Variants in CD82 observed in about 807,000 individuals in gnomAD.
CD82 encodes CD82 antigen.
A neutral mutation model predicts 37.4 loss-of-function variants in CD82; 36 were observed. The observed-to-expected ratio is 0.96, with a 90% CI of 0.74 to 1.27. The LOEUF is 1.27. Among genes scored for constraint, CD82 ranks in the 50% most tolerant of loss-of-function variants. CD82 has a pLI of 0.00. For missense variants in CD82, 340 were observed against 347.0 expected (o/e 0.98, Z 0.16); for synonymous variants, 158 against 137.4 (o/e 1.15, Z -1.05).
At chr11:44,617,739 C>T (rs1245651655) in intron 7 of CD82, among the ~76,000 whole-genome samples, 1 of 152,162 alleles carries the variant, frequency 6.6e-6, no homozygotes, top group Non-Finnish European at 1.5e-5. Flanking sequence ...CCTGCCTCAT[C>T]CCATTTAGTC....
At chr11:44,598,754 T>C (rs770966766) in intron 3 of CD82, among the ~76,000 whole-genome samples, 4 of 152,196 alleles carry the variant, frequency 2.6e-5, no homozygotes, top group Admixed American at 6.5e-5. Flanking sequence ...GATAGAATGA[T>C]TCTGATGGAG....
intron 6 of CD82, among the ~76,000 whole-genome samples, chr11:44,612,062 C>T (rs1267909948): frequency 2.0e-5 from 3 of 152,250 alleles, no homozygotes; most frequent in Non-Finnish European, 4.4e-5. Flanking sequence ...CTCCTTTCCA[C>T]ACCGTGGGGA....
intron 7 of CD82, 127 bp from the exon 8 acceptor site, chr11:44,618,035 G>T: frequency 1.4e-6 from 1 of 723,536 alleles, no homozygotes; most frequent in Non-Finnish European, 2.3e-6. Context: ...TGATGGTTCG[G>T]CTGGGACCAG....
intron 2 of CD82, among the ~76,000 whole-genome samples, chr11:44,588,819 T>C (rs1432559188): frequency 6.6e-6 from 1 of 152,022 alleles, no homozygotes; most frequent in East Asian, 1.9e-4. Context: ...TGGAGGTGAG[T>C]GTTAAATGAT....
Position 44,618,241 on chromosome 11 carries a change from C to T in CD82, c.518C>T (p.Pro173Leu), listed in dbSNP as rs770399013. ...ATGAATCGCCCTGAGGTCACCTACC[C>T]CTGTTCCTGCGAAGTCAAGGGGGAA... is the stretch of plus-strand genomic sequence containing the variant. ...ELMNRPEVTY[P>L]CSCEVKGEED... Residue 173 changes from proline to leucine, a missense_variant, in exon 8 of 10, where the codon CCC becomes CTC. Transcript: ENST00000227155. 4.3e-6 allele frequency: 7 copies of T among 1,614,128 alleles called. No homozygotes were observed. In the East Asian group the frequency reaches 6.7e-5, roughly 15 times the overall value.
intron 1 of CD82, among the ~76,000 whole-genome samples, chr11:44,575,363 A>G (rs1017054795): frequency 1.3e-5 from 2 of 152,226 alleles, no homozygotes; most frequent in African/African-American, 4.8e-5. Context: ...TTCCTCCCCA[A>G]CAGTCTCCTG....
At chr11:44,593,977 A>T (rs4755848) in intron 2 of CD82, among the ~76,000 whole-genome samples, 149,614 of 152,220 alleles carry the variant, frequency 0.98, 73,539 homozygotes, top group Non-Finnish European at 0.99. Context: ...CCCAATTTTG[A>T]TTAGAACCAT....
At position 44,597,074 on chromosome 11, in the gene CD82, G is replaced by A. The variant is rs752957398; in HGVS notation, c.63+2349G>A. 4.2e-4 allele frequency: 191 copies of A among 453,788 alleles called. No homozygotes were observed. The highest frequency in any genetic ancestry group is 1.0e-3 in the East Asian group (15 of 14,352). The allele number at this position is 453,788 out of a possible 1,614,324, so 28.1% of individuals were successfully genotyped here. On this transcript the variant is annotated intron_variant, in intron 3 of 9. Coordinates refer to ENST00000227155, the MANE Select transcript of CD82 (RefSeq NM_002231.4). This position sits in a 1 kb window ranked among gnomAD's most constrained non-coding sequence, Gnocchi z 4.1. The stretch of plus-strand genomic sequence containing the variant: ...AGTGCACCTCCCCAGGCATAGACCC[G>A]GCCAGCCTGCCTCTTTGTTTTATGC...
chr11:44,602,814 TGA>T (rs2134669801), intron 4 of CD82, among the ~76,000 whole-genome samples: 1 of 152,300 alleles, frequency 6.6e-6, no homozygotes, highest in East Asian at 1.9e-4. Context: ...TTAAATGTTC[TGA>T]GATACGGAGA....
In CD82 at chr11:44,594,667, G is replaced by T. The variant is rs767017762; in HGVS notation, c.5G>T (p.Gly2Val). 1.2e-6 allele frequency: 2 copies of T among 1,613,504 alleles called. No individual in the cohort carries two copies. The highest frequency in any genetic ancestry group is 4.5e-5 in the East Asian group (2 of 44,870). MGSACIKVTKYF... is the reference protein window; with the variant it reads MVSACIKVTKYF... ...GGAAGCTCCAGGACTGGCGGGATGG[G>T]CTCAGCCTGTATCAAAGTCACCAAA... is the stretch of plus-strand genomic sequence containing the variant. The change falls in exon 3 of 10, where the codon GGC (glycine) becomes GTC (valine). Residue 2 changes from glycine to valine, a missense_variant. Transcript: ENST00000227155.
At chr11:44,594,075 T>C (rs1331298486) in intron 2 of CD82, among the ~76,000 whole-genome samples, 1 of 152,204 alleles carries the variant, frequency 6.6e-6, no homozygotes, top group East Asian at 1.9e-4. Context: ...TACATTTTGC[T>C]TGATTTCTGT....
chr11:44,571,969 C>A (rs1476413815), intron 1 of CD82, among the ~76,000 whole-genome samples: 1 of 152,214 alleles, frequency 6.6e-6, no homozygotes, highest in African/African-American at 2.4e-5. Context: ...TCATCTTTTA[C>A]TTGCTGTGTT....
intron 1 of CD82, among the ~76,000 whole-genome samples, chr11:44,579,710 G>A (rs17613255): frequency 0.081 from 12,366 of 152,178 alleles, 627 homozygotes; most frequent in Admixed American, 0.11. Flanking sequence ...TGGTTAAATG[G>A]CCGCTTCCCT....
intron 1 of CD82, among the ~76,000 whole-genome samples, chr11:44,580,644 C>G (rs1305493181): frequency 6.6e-6 from 1 of 152,144 alleles, no homozygotes; most frequent in Non-Finnish European, 1.5e-5. Context: ...ACCCCGGAGG[C>G]AGAGGTTGCA....
chr11:44,592,545 G>C (rs1247511274), intron 2 of CD82, among the ~76,000 whole-genome samples: 1 of 152,236 alleles, frequency 6.6e-6, no homozygotes, highest in Non-Finnish European at 1.5e-5. Flanking sequence ...TTGCTGTTTA[G>C]TTCCTGGAGT....
intron 1 of CD82, among the ~76,000 whole-genome samples, chr11:44,586,994 A>G (rs996384414): frequency 3.9e-5 from 6 of 152,210 alleles, no homozygotes; most frequent in Non-Finnish European, 7.3e-5. Flanking sequence ...GGTGCCGTGT[A>G]ACAACCCAGA....
rs1484407912 is a variant in CD82 at position 44,618,900 on chromosome 11, T to A, written c.727-149T>A. 1.1e-5 allele frequency: 9 copies of A among 837,222 alleles called. No individual in the cohort carries two copies. In the African/African-American group the frequency reaches 1.2e-4, roughly 11 times the overall value. 51.9% of individuals were successfully genotyped at this position (837,222 alleles called of 1,614,324 possible). On this transcript the variant is annotated intron_variant, in intron 9 of 9. Transcript: ENST00000227155. ...CCTCAGACAAGGCACTGCCCCGCTC[T>A]GGGCCTCCCTCTGCTGCCTGCATCA...
intron 4 of CD82, 92 bp downstream of exon 4, chr11:44,600,322 C>A: frequency 8.3e-7 from 1 of 1,202,234 alleles, no homozygotes. Context: ...GCTTCGGCTT[C>A]AATGCCTGTT....
At chr11:44,581,704 C>A (rs372965731) in intron 1 of CD82, among the ~76,000 whole-genome samples, 1 of 152,162 alleles carries the variant, frequency 6.6e-6, no homozygotes, top group Non-Finnish European at 1.5e-5. Context: ...AGAAACTGAG[C>A]GCAGAAGGGC....
Sources: allele counts gnomAD v4.1 joint callset (sites outside exome capture counted in the v4.1 genomes callset), GRCh38; gene constraint gnomAD v4.1.1; non-coding constraint Gnocchi (gnomAD v3.1); transcripts MANE v1.5; gene names NCBI Gene and HGNC (gene_info 2026-07-23, HGNC 2026-07-21).